GCLM: variants seen among roughly 807,000 people sequenced by gnomAD.
GCLM encodes the protein glutamate--cysteine ligase regulatory subunit.
Under a neutral mutation model 36.0 loss-of-function variants are expected in GCLM, and 15 were observed. The ratio of observed to expected loss-of-function variants is 0.42; its 90% confidence interval spans 0.28 to 0.64. The LOEUF (loss-of-function observed/expected upper bound fraction) is 0.64, where lower values mean the gene tolerates loss of function less well. Among genes scored for constraint, GCLM ranks in the 30% least tolerant of loss-of-function variants. The pLI is 0.25. For synonymous variants in GCLM, 129 were observed against 122.8 expected (o/e 1.05, Z -0.34); for missense variants, 242 against 325.5 (o/e 0.74, Z 1.97).
At chr1:93,894,825 TA>T (rs1656667748) in intron 5 of GCLM, 97 bp from the exon 6 acceptor site, 1 of 645,600 alleles carries the variant, frequency 1.5e-6, no homozygotes, top group Non-Finnish European at 2.8e-6. Flanking sequence ...TTTTAGAACA[TA>T]TGAAAAATCA....
chr1:93,891,163 A>G (rs1239429125), intron 6 of GCLM, among the ~76,000 whole-genome samples: 1 of 152,164 alleles, frequency 6.6e-6, no homozygotes, highest in Non-Finnish European at 1.5e-5. Flanking sequence ...CTGGGATTAC[A>G]GGTGTGAGCC....
chr1:93,903,644 A>C (rs1443861321), intron 2 of GCLM, among the ~76,000 whole-genome samples: 1 of 151,268 alleles, frequency 6.6e-6, no homozygotes, highest in Admixed American at 6.6e-5. Flanking sequence ...GTAAACCAAA[A>C]CTTTTTTTTT....
At position 93,888,532 on chromosome 1, in the gene GCLM, G is replaced by A. The variant is rs1418949580; in HGVS notation, c.*458C>T. On this transcript the variant is annotated 3_prime_UTR_variant, in exon 7 of 7. Transcript: ENST00000370238. ...AGTTACTCTGATATATCTCATCAATGACAGGAAAAATATCTTCTTCCAGTA... is the reference window on the plus strand; with the variant it reads ...AGTTACTCTGATATATCTCATCAATAACAGGAAAAATATCTTCTTCCAGTA... The A allele has an allele frequency of 6.6e-6, 1 of 152,368 alleles. No homozygotes were observed. Among genetic ancestry groups the A allele is most frequent in the Non-Finnish European group, 1.5e-5 (1 of 68,054 alleles). The allele number at this position is 152,368 out of a possible 1,614,324, so 9.4% of individuals were successfully genotyped here. A position where few individuals can be genotyped will look rare whatever the true frequency, so the allele number is the denominator to read the frequency against.
intron 3 of GCLM, among the ~76,000 whole-genome samples, chr1:93,899,237 C>T (rs1448082323): frequency 6.6e-6 from 1 of 151,954 alleles, no homozygotes; most frequent in Admixed American, 6.5e-5. Context: ...CCATGCCTGG[C>T]TAATTTTTGT....
chr1:93,909,022 G>C lies in GCLM; in HGVS notation c.126+16C>G, dbSNP rs1381118400. The C allele has an allele frequency of 6.2e-6, 9 of 1,452,482 alleles. No homozygotes were observed. The highest frequency in any genetic ancestry group is 8.1e-6 in the Non-Finnish European group (9 of 1,106,678). 90.0% of individuals were successfully genotyped at this position (1,452,482 alleles called of 1,614,324 possible). ...GCCTGCCCCGGGAGCCCCGCGGCGAGTGTCGCCACGCTCACCTCCTCGCTG... is the reference window on the plus strand; with the variant it reads ...GCCTGCCCCGGGAGCCCCGCGGCGACTGTCGCCACGCTCACCTCCTCGCTG... On this transcript the variant is annotated intron_variant, in intron 1 of 6. Coordinates refer to ENST00000370238, the MANE Select transcript of GCLM (RefSeq NM_002061.4).
At chr1:93,898,430 A>G (rs970458282) in intron 3 of GCLM, among the ~76,000 whole-genome samples, 1 of 148,904 alleles carries the variant, frequency 6.7e-6, no homozygotes, top group Non-Finnish European at 1.5e-5. Flanking sequence ...TTCCTCTTCT[A>G]TTTGGTTTAC....
At chr1:93,896,026 A>T (rs973339800) in intron 5 of GCLM, among the ~76,000 whole-genome samples, 2 of 147,570 alleles carry the variant, frequency 1.4e-5, no homozygotes, top group African/African-American at 5.0e-5. Context: ...ACAGTGGCGC[A>T]ATCTCAGCTC....
At chr1:93,895,704 A>T (rs1656701453) in intron 5 of GCLM, among the ~76,000 whole-genome samples, 1 of 152,202 alleles carries the variant, frequency 6.6e-6, no homozygotes. Context: ...AGGCTGAAGA[A>T]GAAGTAAAAG....
intron 2 of GCLM, among the ~76,000 whole-genome samples, chr1:93,902,754 T>G (rs1463004785): frequency 6.6e-6 from 1 of 152,182 alleles, no homozygotes; most frequent in African/African-American, 2.4e-5. Flanking sequence ...ATAACATGTA[T>G]CCACCATTAC....
In GCLM at chr1:93,887,345, T is replaced by C. The variant is rs558376104; in HGVS notation, c.*1645A>G. ...ACCCAATCAGTAAACCACAAAATCC[T>C]ACTTAGGAAAAGGGTCTATAATATT... On this transcript the variant is annotated 3_prime_UTR_variant, in exon 7 of 7. Coordinates refer to ENST00000370238, the MANE Select transcript of GCLM (RefSeq NM_002061.4). 2 of 152,258 alleles carry C rather than the reference T, an allele frequency of 1.3e-5. No homozygotes were observed. The highest frequency in any genetic ancestry group is 3.9e-4 in the East Asian group (2 of 5,186). 9.4% of individuals were successfully genotyped at this position (152,258 alleles called of 1,614,324 possible).
intron 1 of GCLM, among the ~76,000 whole-genome samples, chr1:93,907,730 CAT>C (rs1657196317): frequency 6.6e-6 from 1 of 152,136 alleles, no homozygotes; most frequent in South Asian, 2.1e-4. Flanking sequence ...TAAAACAAAA[CAT>C]ACACACTGAG....
chr1:93,901,536 C>A (rs886795848), intron 3 of GCLM, 49 bp downstream of exon 3: 12 of 957,106 alleles, frequency 1.3e-5, no homozygotes, highest in Non-Finnish European at 2.0e-5. Flanking sequence ...CTAACAAAAT[C>A]TATCGCTTCC....
intron 5 of GCLM, among the ~76,000 whole-genome samples, chr1:93,895,974 T>C (rs1284305058): frequency 6.6e-6 from 1 of 150,498 alleles, no homozygotes; most frequent in Non-Finnish European, 1.5e-5. Flanking sequence ...TTTTTTTTTT[T>C]TTTTTTGAGA....
At position 93,885,691 on chromosome 1, in the gene GCLM, C is replaced by CTA. The variant is rs1656278498; in HGVS notation, c.*3298_*3299insTA. 1 of 152,162 alleles carries CTA rather than the reference C, an allele frequency of 6.6e-6. No homozygotes were observed. Among genetic ancestry groups the CTA allele is most frequent in the Non-Finnish European group, 1.5e-5 (1 of 68,002 alleles). 9.4% of individuals were successfully genotyped at this position (152,162 alleles called of 1,614,324 possible). A position where few individuals can be genotyped will look rare whatever the true frequency, so the allele number is the denominator to read the frequency against. ...CAAATGGTTTAAGTCTTCATTAAAA[C>CTA]AAGCTTCACATTTCTCTGAATGCAT... On this transcript the variant is annotated 3_prime_UTR_variant, in exon 7 of 7. Coordinates refer to ENST00000370238, the MANE Select transcript of GCLM (RefSeq NM_002061.4).
At chr1:93,906,380 A>G (rs1024807430) in intron 1 of GCLM, among the ~76,000 whole-genome samples, 2 of 152,218 alleles carry the variant, frequency 1.3e-5, no homozygotes, top group African/African-American at 4.8e-5. Context: ...ACTAGAGGTT[A>G]AAAATTCTAT....
At chr1:93,899,095 C>CA in intron 3 of GCLM, among the ~76,000 whole-genome samples, 1 of 147,776 alleles carries the variant, frequency 6.8e-6, no homozygotes, top group East Asian at 2.0e-4. Context: ...ATTTTACATA[C>CA]TTTTTTTTTT....
chr1:93,906,200 A>C (rs1657142113), intron 1 of GCLM, among the ~76,000 whole-genome samples: 1 of 152,232 alleles, frequency 6.6e-6, no homozygotes, highest in Non-Finnish European at 1.5e-5. Flanking sequence ...TTTACATGCT[A>C]GTCACAACAA....
At chr1:93,898,850 C>G (rs140600912) in intron 3 of GCLM, among the ~76,000 whole-genome samples, 1 of 152,048 alleles carries the variant, frequency 6.6e-6, no homozygotes, top group Non-Finnish European at 1.5e-5. Flanking sequence ...CTTGAACTCC[C>G]GGTCTCAAAC....
Position 93,889,173 on chromosome 1 carries a change from CAACA to C in GCLM, c.656-18_656-15del. The C allele has an allele frequency of 1.9e-6, 3 of 1,538,596 alleles. No homozygotes were observed. Among genetic ancestry groups the C allele is most frequent in the Non-Finnish European group, 2.6e-6 (3 of 1,144,366 alleles). ...CAGAAAGCAGTTCTAAAAGAAACAACAACAAACAAAACTCCAGCGTGTTAAATTG... is the reference window on the plus strand; with the variant it reads ...CAGAAAGCAGTTCTAAAAGAAACAACAACAAAACTCCAGCGTGTTAAATTG... On this transcript the variant is annotated splice_polypyrimidine_tract_variant and intron_variant, in intron 6 of 6. Coordinates refer to ENST00000370238, the MANE Select transcript of GCLM (RefSeq NM_002061.4).
Sources: gnomAD v4.1 joint callset for allele counts (sites outside exome capture counted in the v4.1 genomes callset) on GRCh38, gnomAD v4.1.1 for gene constraint, MANE v1.5 for transcripts, NCBI Gene and HGNC (gene_info 2026-07-23, HGNC 2026-07-21) for gene names.